The following PLCL1 variants were observed in gnomAD, a reference collection of about 807,000 sequenced individuals.
The protein encoded by PLCL1 is phospholipase C like 1 (inactive), also known as inactive phospholipase C-like protein 1.
Under a neutral mutation model 84.4 loss-of-function variants are expected in PLCL1, and 41 were observed. That is an observed-to-expected ratio of 0.49 (90% confidence interval 0.38 to 0.63). The LOEUF is 0.63. Among genes scored for constraint, PLCL1 ranks in the 30% least tolerant of loss-of-function variants. The probability of loss-of-function intolerance (pLI) is 0.00; values close to 1 mark genes in which losing one functional copy is unlikely to be tolerated. For synonymous variants in PLCL1, 490 were observed against 488.3 expected, an observed-to-expected ratio of 1.00 and a Z score of -0.05; for missense variants, 1,206 against 1,367.8, an observed-to-expected ratio of 0.88 and a Z score of 1.87.
intron 5 of PLCL1, among the ~76,000 whole-genome samples, chr2:198,137,839 A>T (rs10168722): frequency 0.88 from 134,362 of 151,864 alleles, 59,535 homozygotes; most frequent in East Asian, 1. Context: ...CACACTAGAA[A>T]TAGGTTCCGT....
intron 3 of PLCL1, among the ~76,000 whole-genome samples, chr2:198,095,470 G>T (rs1453269969): frequency 6.6e-6 from 1 of 152,158 alleles, no homozygotes; most frequent in East Asian, 1.9e-4. Flanking sequence ...GAGTTACTTA[G>T]TGTTATAGCC....
intron 1 of PLCL1, among the ~76,000 whole-genome samples, chr2:197,970,544 C>G (rs1217856400): frequency 6.6e-6 from 1 of 152,088 alleles, no homozygotes; most frequent in Non-Finnish European, 1.5e-5. Flanking sequence ...TGTGAACTAT[C>G]TCAATAATTT....
intron 1 of PLCL1, among the ~76,000 whole-genome samples, chr2:197,837,168 G>T (rs1285334393): frequency 6.6e-6 from 1 of 152,180 alleles, no homozygotes. Context: ...CATGGGGTTT[G>T]TGAGACTAAT....
chr2:198,061,006 T>C (rs1692184443), intron 1 of PLCL1, among the ~76,000 whole-genome samples: 1 of 152,230 alleles, frequency 6.6e-6, no homozygotes, highest in Non-Finnish European at 1.5e-5. Flanking sequence ...TTAACTTTTC[T>C]CATAAGCTAC....
chr2:197,968,215 C>A (rs1264170905), intron 1 of PLCL1, among the ~76,000 whole-genome samples: 1 of 152,068 alleles, frequency 6.6e-6, no homozygotes, highest in Non-Finnish European at 1.5e-5. Flanking sequence ...CTGTTATTTT[C>A]TTTAATCTTC....
intron 5 of PLCL1, among the ~76,000 whole-genome samples, chr2:198,135,742 C>T (rs1053202162): frequency 2.6e-5 from 4 of 152,192 alleles, no homozygotes; most frequent in Non-Finnish European, 5.9e-5. Context: ...CTTATGGTAT[C>T]TTCAGAAATA....
chr2:198,061,711 TG>T (rs1692207608), intron 1 of PLCL1, among the ~76,000 whole-genome samples: 2 of 152,306 alleles, frequency 1.3e-5, no homozygotes, highest in African/African-American at 4.8e-5. Context: ...GCAATTCTTC[TG>T]CCTCAGCCTC....
At chr2:198,042,966 T>C (rs1691700277) in intron 1 of PLCL1, among the ~76,000 whole-genome samples, 1 of 152,032 alleles carries the variant, frequency 6.6e-6, no homozygotes, top group Non-Finnish European at 1.5e-5. Flanking sequence ...GAGGAGAGAA[T>C]TTGGTAAATC....
At chr2:198,046,389 G>A (rs1691791780) in intron 1 of PLCL1, among the ~76,000 whole-genome samples, 1 of 152,156 alleles carries the variant, frequency 6.6e-6, no homozygotes, top group South Asian at 2.1e-4. Flanking sequence ...AAGAAACCTG[G>A]CCGAATAGGA....
chr2:198,067,127 CTTTT>C (rs536395932), intron 1 of PLCL1, among the ~76,000 whole-genome samples: 4 of 136,502 alleles, frequency 2.9e-5, no homozygotes, highest in African/African-American at 5.4e-5. Flanking sequence ...TTGTGGCCCT[CTTTT>C]TTTTTTTTTT....
At chr2:198,049,467 A>G (rs1020038864) in intron 1 of PLCL1, among the ~76,000 whole-genome samples, 5 of 152,086 alleles carry the variant, frequency 3.3e-5, no homozygotes, top group Admixed American at 6.6e-5. Flanking sequence ...CAAAGGCAAG[A>G]CCCCTTCTCT....
At chr2:198,108,483 G>A (rs1693542678) in intron 5 of PLCL1, among the ~76,000 whole-genome samples, 1 of 151,874 alleles carries the variant, frequency 6.6e-6, no homozygotes, top group Non-Finnish European at 1.5e-5. Context: ...CAAGTTGGGG[G>A]ATTGACAGCA....
intron 1 of PLCL1, among the ~76,000 whole-genome samples, chr2:197,897,724 G>T (rs931768709): frequency 6.6e-6 from 1 of 152,154 alleles, no homozygotes; most frequent in African/African-American, 2.4e-5. Context: ...AAGGATTTAA[G>T]TGTTAAAGCA....
chr2:197,810,455 T>C (rs926776215), intron 1 of PLCL1: 1 of 348,158 alleles, frequency 2.9e-6, no homozygotes, highest in Non-Finnish European at 5.6e-6. Flanking sequence ...AAGTGTAAGT[T>C]AATTACATAG....
intron 1 of PLCL1, among the ~76,000 whole-genome samples, chr2:197,919,773 T>G (rs1218326856): frequency 6.6e-6 from 1 of 152,226 alleles, no homozygotes; most frequent in African/African-American, 2.4e-5. Flanking sequence ...AGCTTCTGTA[T>G]GCCTGATTCT....
chr2:197,989,051 A>G (rs1182783493), intron 1 of PLCL1, among the ~76,000 whole-genome samples: 4 of 152,238 alleles, frequency 2.6e-5, no homozygotes, highest in Non-Finnish European at 4.4e-5. Context: ...GGGGACTTGC[A>G]AAAAATAACT....
intron 1 of PLCL1, among the ~76,000 whole-genome samples, chr2:198,004,856 C>G (rs1400307586): frequency 6.6e-6 from 1 of 152,132 alleles, no homozygotes; most frequent in African/African-American, 2.4e-5. Flanking sequence ...AATAGACTTG[C>G]CATGTCAGAC....
At chr2:197,949,471 C>T (rs1689347192) in intron 1 of PLCL1, among the ~76,000 whole-genome samples, 1 of 152,126 alleles carries the variant, frequency 6.6e-6, no homozygotes, top group Non-Finnish European at 1.5e-5. Context: ...ATGATCTTAA[C>T]AGCTGTCACT....
chr2:198,138,962 C>A (rs1156229329), intron 5 of PLCL1, among the ~76,000 whole-genome samples: 1 of 152,060 alleles, frequency 6.6e-6, no homozygotes, highest in Non-Finnish European at 1.5e-5. Context: ...TTGAGACCAG[C>A]CTGACTAACA....
Sources: gnomAD v4.1 joint callset for allele counts (sites outside exome capture counted in the v4.1 genomes callset) on GRCh38, gnomAD v4.1.1 for gene constraint, MANE v1.5 for transcripts, NCBI Gene and HGNC (gene_info 2026-07-23, HGNC 2026-07-21) for gene names.